Variants in COLGALT2 observed in about 807,000 individuals in gnomAD.
The protein encoded by COLGALT2 is procollagen galactosyltransferase 2.
In COLGALT2, 49 loss-of-function variants were observed where a neutral mutation model predicts 73.4. That is an observed-to-expected ratio of 0.67 (90% confidence interval 0.53 to 0.85). The LOEUF is 0.85. Among genes scored for constraint, COLGALT2 ranks in the 40% least tolerant of loss-of-function variants. The probability of loss-of-function intolerance (pLI) is 0.00; values close to 1 mark genes in which losing one functional copy is unlikely to be tolerated. For synonymous variants in COLGALT2, 295 were observed against 307.6 expected (o/e 0.96, Z 0.43); for missense variants, 722 against 790.2 (o/e 0.91, Z 1.03).
intron 1 of COLGALT2, among the ~76,000 whole-genome samples, chr1:183,996,337 A>G (rs935864292): frequency 2.6e-5 from 4 of 152,248 alleles, no homozygotes. Flanking sequence ...TAGAATCCTT[A>G]GAAGCTGGAA....
chr1:183,999,789 T>A (rs1183121779), intron 1 of COLGALT2, among the ~76,000 whole-genome samples: 2 of 152,144 alleles, frequency 1.3e-5, no homozygotes, highest in African/African-American at 4.8e-5. Flanking sequence ...CATCATTATT[T>A]ATGTATTCTC....
At chr1:183,974,782 C>A (rs1665010385) in intron 3 of COLGALT2, among the ~76,000 whole-genome samples, 1 of 152,172 alleles carries the variant, frequency 6.6e-6, no homozygotes, top group East Asian at 1.9e-4. Flanking sequence ...GTAAGAACAA[C>A]TTACATTGCT....
chr1:183,977,836 A>AAGAAG (rs1553317033), intron 2 of COLGALT2, among the ~76,000 whole-genome samples: 2 of 132,358 alleles, frequency 1.5e-5, no homozygotes, highest in African/African-American at 5.9e-5. Context: ...GAGAGAGAGA[A>AAGAAG]AGAAGAGAAG....
At chr1:183,997,158 T>C (rs1333784070) in intron 1 of COLGALT2, among the ~76,000 whole-genome samples, 2 of 152,168 alleles carry the variant, frequency 1.3e-5, no homozygotes, top group Admixed American at 1.3e-4. Flanking sequence ...TCATTTTCTG[T>C]AGAAAAAAAC....
chr1:183,955,579 T>C (rs1670530331), intron 6 of COLGALT2, among the ~76,000 whole-genome samples: 1 of 152,160 alleles, frequency 6.6e-6, no homozygotes, highest in Non-Finnish European at 1.5e-5. Context: ...TATTTGATAC[T>C]CTAAAAAAGC....
chr1:184,032,093 C>T (rs1010051058), intron 1 of COLGALT2, among the ~76,000 whole-genome samples: 7 of 152,052 alleles, frequency 4.6e-5, no homozygotes, highest in Non-Finnish European at 8.8e-5. Flanking sequence ...GGAGTTTCAC[C>T]ATGTTGCCCA....
intron 2 of COLGALT2, among the ~76,000 whole-genome samples, chr1:183,977,108 A>G (rs1170310162): frequency 1.3e-5 from 2 of 152,210 alleles, no homozygotes; most frequent in Non-Finnish European, 2.9e-5. Flanking sequence ...AAACCATTTC[A>G]TTTGTATTTG....
chr1:183,957,683 G>GT (rs954927550), intron 6 of COLGALT2, among the ~76,000 whole-genome samples: 30 of 150,972 alleles, frequency 2.0e-4, no homozygotes, highest in African/African-American at 6.8e-4. Flanking sequence ...GTTCTCAACT[G>GT]TAACAGTCAC....
At chr1:183,982,337 G>A (rs1223549631) in intron 1 of COLGALT2, among the ~76,000 whole-genome samples, 1 of 152,174 alleles carries the variant, frequency 6.6e-6, no homozygotes, top group Non-Finnish European at 1.5e-5. Context: ...GTTTGTGATT[G>A]TGCCAAAAAG....
At chr1:184,016,707 T>A (rs1363788441) in intron 1 of COLGALT2, among the ~76,000 whole-genome samples, 1 of 152,150 alleles carries the variant, frequency 6.6e-6, no homozygotes, top group African/African-American at 2.4e-5. Flanking sequence ...ATTTTTTATA[T>A]AAAAATATAT....
chr1:183,999,671 T>A (rs1572667306), intron 1 of COLGALT2, among the ~76,000 whole-genome samples: 1 of 152,202 alleles, frequency 6.6e-6, no homozygotes, highest in South Asian at 2.1e-4. Flanking sequence ...TCTTCATGAG[T>A]CAGACTGTTA....
intron 5 of COLGALT2, 33 bp from the exon 6 acceptor site, chr1:183,964,053 T>G (rs372811580): frequency 2.0e-5 from 32 of 1,609,888 alleles, no homozygotes; most frequent in Non-Finnish European, 2.7e-5. Context: ...AAGCCAACAA[T>G]CAGAAAACAT....
intron 1 of COLGALT2, among the ~76,000 whole-genome samples, chr1:183,997,842 T>A (rs1671811691): frequency 6.6e-6 from 1 of 152,260 alleles, no homozygotes; most frequent in South Asian, 2.1e-4. Context: ...TTATCTGTAG[T>A]TGATAAATTC....
rs745751867 is a variant in COLGALT2, at chr1:183,973,707, T to C, written c.536A>G (p.Asn179Ser). ...DNFLTNPQTL[N>S]LLIAENKTIV... ...AGTTTTGTTTTCTGCAATCAGTAGATTGAGGGTCTGTGGATTAGTCAGGAA... is the reference window on the plus strand; with the variant it reads ...AGTTTTGTTTTCTGCAATCAGTAGACTGAGGGTCTGTGGATTAGTCAGGAA... The change falls in exon 4 of 12, where the codon AAT becomes AGT. Residue 179 changes from asparagine to serine, a missense_variant. Coordinates refer to ENST00000361927, the MANE Select transcript of COLGALT2 (RefSeq NM_015101.4). 1.2e-6 allele frequency: 2 copies of C among 1,613,760 alleles called. No homozygotes were observed. The highest frequency in any genetic ancestry group is 1.7e-6 in the Non-Finnish European group (2 of 1,179,872).
chr1:183,981,082 T>A (rs1043948531), intron 1 of COLGALT2, among the ~76,000 whole-genome samples: 3 of 152,096 alleles, frequency 2.0e-5, no homozygotes, highest in South Asian at 4.1e-4. Context: ...GACACAGGGA[T>A]AAATGACATA....
chr1:184,030,229 A>C (rs775800109), intron 1 of COLGALT2, among the ~76,000 whole-genome samples: 1 of 152,226 alleles, frequency 6.6e-6, no homozygotes, highest in Non-Finnish European at 1.5e-5. Context: ...ATATCAATTA[A>C]ATGCAATTAA....
intron 7 of COLGALT2, among the ~76,000 whole-genome samples, chr1:183,953,066 G>A (rs569575065): frequency 6.6e-6 from 1 of 152,298 alleles, no homozygotes; most frequent in East Asian, 1.9e-4. Flanking sequence ...TCCAGTCTGG[G>A]AAGACTTTCA....
chr1:183,971,672 G>T (rs1331129532), intron 4 of COLGALT2, among the ~76,000 whole-genome samples: 1 of 152,198 alleles, frequency 6.6e-6, no homozygotes, highest in Non-Finnish European at 1.5e-5. Flanking sequence ...CTTACAGCTA[G>T]AAGAAATAAT....
chr1:183,981,582 G>A (rs1313019781), intron 1 of COLGALT2, among the ~76,000 whole-genome samples: 2 of 152,088 alleles, frequency 1.3e-5, no homozygotes, highest in Non-Finnish European at 2.9e-5. Context: ...GCTTGAACCT[G>A]CAAGGTGGAG....
Sources: allele counts gnomAD v4.1 joint callset (sites outside exome capture counted in the v4.1 genomes callset), GRCh38; gene constraint gnomAD v4.1.1; transcripts MANE v1.5; gene names NCBI Gene and HGNC (gene_info 2026-07-23, HGNC 2026-07-21).